LUC7L2: variants seen among roughly 807,000 people sequenced by gnomAD.
The protein encoded by LUC7L2 is putative RNA-binding protein Luc7-like 2.
LUC7L2 carries 25 observed loss-of-function variants against 52.8 expected under a neutral mutation model. That is an observed-to-expected ratio of 0.47 (90% CI 0.34 to 0.66). LUC7L2 has a LOEUF of 0.66. Ranked by LOEUF, LUC7L2 falls within the 30% of genes least tolerant of loss-of-function variation. The pLI is 0.01. For missense variants in LUC7L2, 328 were observed against 497.8 expected, an observed-to-expected ratio of 0.66 and a Z score of 3.25; for synonymous variants, 144 against 160.9, an observed-to-expected ratio of 0.89 and a Z score of 0.80.
At chr7:139,370,456 G>GT (rs897132470) in intron 1 of LUC7L2, among the ~76,000 whole-genome samples, 3 of 152,054 alleles carry the variant, frequency 2.0e-5, no homozygotes, top group Admixed American at 6.6e-5. Context: ...AGACACAAGG[G>GT]TTTTTTGTTT....
At position 139,340,563 on chromosome 7, in the gene LUC7L2, A is replaced by G. The variant is rs555315388; in HGVS notation, c.-26+46A>G. On this transcript the variant is annotated intron_variant, in intron 1 of 10. Transcript: ENST00000541170. ...ATGTGGACTTTTGTTCTCTAACTAC[A>G]ACTCCCAGCATACGTCACCCCTCAC... 1.3e-5 allele frequency: 5 copies of G among 398,094 alleles called. No individual in the cohort carries two copies. In the South Asian group the frequency reaches 4.0e-4, roughly 32 times the overall value. The allele number at this position is 398,094 out of a possible 1,614,324, so 24.7% of individuals were successfully genotyped here.
At chr7:139,372,812 C>T (rs1419972426) in intron 1 of LUC7L2, among the ~76,000 whole-genome samples, 1 of 152,042 alleles carries the variant, frequency 6.6e-6, no homozygotes, top group East Asian at 1.9e-4. Flanking sequence ...TTAATATGTC[C>T]TATTTCTTTA....
intron 2 of LUC7L2, among the ~76,000 whole-genome samples, chr7:139,393,157 G>T (rs111461944): frequency 6.6e-6 from 1 of 151,670 alleles, no homozygotes; most frequent in East Asian, 2.0e-4. Context: ...ATCCCAGCTA[G>T]TAGGGAGGCC....
intron 2 of LUC7L2, among the ~76,000 whole-genome samples, chr7:139,386,797 A>G (rs1453765144): frequency 2.0e-5 from 3 of 152,094 alleles, no homozygotes; most frequent in South Asian, 2.1e-4. Context: ...GGGAACTTCT[A>G]AAAGCTCATT....
At chr7:139,382,123 C>G (rs1377035650) in intron 2 of LUC7L2, among the ~76,000 whole-genome samples, 2 of 151,996 alleles carry the variant, frequency 1.3e-5, no homozygotes, top group Non-Finnish European at 2.9e-5. Context: ...ATCTCCTGAC[C>G]TTGTGACCCG....
At position 139,422,518 on chromosome 7, in the gene LUC7L2, A is replaced by G; in HGVS notation, c.*178A>G. ...GTTTTCCTTGATGATGCCTAAAACT[A>G]CATCCATAGTTTCTGGTGAACCTGT... On this transcript the variant is annotated 3_prime_UTR_variant, in exon 10 of 10. Coordinates refer to ENST00000354926, the MANE Select transcript of LUC7L2 (RefSeq NM_016019.5). 1 of 1,248,582 alleles carries G rather than the reference A, an allele frequency of 8.0e-7. No individual in the cohort carries two copies. Among genetic ancestry groups the G allele is most frequent in the Non-Finnish European group, 1.0e-6 (1 of 976,834 alleles). 77.3% of individuals were successfully genotyped at this position (1,248,582 alleles called of 1,614,324 possible).
chr7:139,375,911 T>C, intron 1 of LUC7L2, 151 bp from the exon 2 acceptor site: 2 of 706,580 alleles, frequency 2.8e-6, no homozygotes, highest in Non-Finnish European at 4.5e-6. Flanking sequence ...AAAATAGTTT[T>C]TCTATAGGAT....
chr7:139,353,835 C>A (rs1206420203), intron 1 of LUC7L2, among the ~76,000 whole-genome samples: 1 of 151,870 alleles, frequency 6.6e-6, no homozygotes, highest in Non-Finnish European at 1.5e-5. Context: ...AAATTGAAGG[C>A]CAGGCACGGT....
chr7:139,399,672 T>A (rs1269486751), intron 3 of LUC7L2, among the ~76,000 whole-genome samples: 1 of 151,738 alleles, frequency 6.6e-6, no homozygotes, highest in Non-Finnish European at 1.5e-5. Flanking sequence ...GGTTTCACCG[T>A]GTTAGCTAGG....
At chr7:139,400,082 T>G (rs932966429) in intron 3 of LUC7L2, among the ~76,000 whole-genome samples, 25 of 152,202 alleles carry the variant, frequency 1.6e-4, no homozygotes, top group African/African-American at 5.8e-4. Flanking sequence ...TGAAATTGTT[T>G]TCAGAAATAT....
chr7:139,385,982 T>G (rs1282030150), intron 2 of LUC7L2, among the ~76,000 whole-genome samples: 1 of 152,178 alleles, frequency 6.6e-6, no homozygotes, highest in Non-Finnish European at 1.5e-5. Flanking sequence ...AACACAATAG[T>G]AAGAAATGAA....
At chr7:139,345,280 A>AT (rs1799216969) in intron 1 of LUC7L2, among the ~76,000 whole-genome samples, 1 of 152,202 alleles carries the variant, frequency 6.6e-6, no homozygotes, top group African/African-American at 2.4e-5. Context: ...ATACAGGGAC[A>AT]TTCAATGCAA....
intron 2 of LUC7L2, among the ~76,000 whole-genome samples, chr7:139,391,609 GA>G (rs1294656476): frequency 9.9e-5 from 15 of 151,762 alleles, no homozygotes; most frequent in Non-Finnish European, 2.9e-5. Context: ...TGGTGGGGGG[GA>G]CAGGGTCTCA....
intron 2 of LUC7L2, among the ~76,000 whole-genome samples, chr7:139,376,839 G>A (rs1645540488): frequency 1.3e-5 from 2 of 152,160 alleles, no homozygotes. Context: ...AGCTAGTAGG[G>A]GCTAAACCTC....
At chr7:139,365,396 A>G (rs926449977) in intron 1 of LUC7L2, among the ~76,000 whole-genome samples, 3 of 152,178 alleles carry the variant, frequency 2.0e-5, no homozygotes, top group Admixed American at 2.0e-4. Flanking sequence ...GAGCAAGTAA[A>G]TTCTTTTATT....
chr7:139,351,589 C>T (rs928380411), intron 1 of LUC7L2, among the ~76,000 whole-genome samples: 1 of 152,204 alleles, frequency 6.6e-6, no homozygotes, highest in African/African-American at 2.4e-5. Flanking sequence ...CAGAACCCTT[C>T]AAAGAAAGAC....
chr7:139,422,050 G>A (rs1255410535), intron 9 of LUC7L2, 113 bp from the exon 10 acceptor site: 7 of 1,431,790 alleles, frequency 4.9e-6, no homozygotes, highest in Non-Finnish European at 6.4e-6. Flanking sequence ...CTCTGTCATG[G>A]GTATATTCGT....
chr7:139,357,752 C>T (rs534305655), upstream of LUC7L2, among the ~76,000 whole-genome samples: 24 of 150,010 alleles, frequency 1.6e-4, no homozygotes, highest in African/African-American at 5.4e-4. Flanking sequence ...AGTGCAATGG[C>T]GCGATCTCGG....
chr7:139,364,358 A>C (rs1478730963), intron 1 of LUC7L2, among the ~76,000 whole-genome samples: 1 of 152,178 alleles, frequency 6.6e-6, no homozygotes, highest in East Asian at 1.9e-4. Flanking sequence ...GAAAGATTAA[A>C]ATAGGCAGGA....
Sources: gnomAD v4.1 joint callset for allele counts (sites outside exome capture counted in the v4.1 genomes callset) on GRCh38, gnomAD v4.1.1 for gene constraint, MANE v1.5 for transcripts, NCBI Gene and HGNC (gene_info 2026-07-23, HGNC 2026-07-21) for gene names.